Variants in SLIT3 observed in about 807,000 individuals in gnomAD.
SLIT3 encodes slit homolog 3 protein.
A neutral mutation model predicts 184.0 loss-of-function variants in SLIT3; 68 were observed. The ratio of observed to expected loss-of-function variants is 0.37; its 90% CI spans 0.30 to 0.45. The LOEUF is 0.45. Among genes scored for constraint, SLIT3 ranks in the 20% least tolerant of loss-of-function variants. SLIT3 has a pLI of 1.00. For synonymous variants in SLIT3, 831 were observed against 828.6 expected, an observed-to-expected ratio of 1.00 and a Z score of -0.05; for missense variants, 1,707 against 2,026.0, an observed-to-expected ratio of 0.84 and a Z score of 3.02.
chr5:169,105,699 C>T (rs1263363902), intron 4 of SLIT3, among the ~76,000 whole-genome samples: 1 of 152,222 alleles, frequency 6.6e-6, no homozygotes, highest in Non-Finnish European at 1.5e-5. Context: ...TAAGTGAGAA[C>T]ATGCAGTGTT....
intron 32 of SLIT3, among the ~76,000 whole-genome samples, chr5:168,678,299 C>T (rs553089485): frequency 6.6e-6 from 1 of 152,248 alleles, no homozygotes. Flanking sequence ...ACCAGCATCC[C>T]TAAGTCAGGA....
intron 4 of SLIT3, among the ~76,000 whole-genome samples, chr5:168,892,186 A>G (rs530507655): frequency 6.6e-6 from 1 of 152,382 alleles, no homozygotes; most frequent in East Asian, 1.9e-4. Context: ...TTAATATGAT[A>G]TTTAACTCAA....
At position 169,026,006 on chromosome 5, in the gene SLIT3, C is replaced by T. The variant is rs140123663; in HGVS notation, c.414-142670G>A. 6.3e-3 allele frequency among the ~76,000 whole-genome samples: 959 copies of T among 152,268 alleles called. 13 individuals are homozygous for T. The highest frequency in any genetic ancestry group is 0.031 in the Middle Eastern group (9 of 294). ...CCAAATCCCCCAATCACCAGCCTGT[C>T]TCCTCTCCCCATGCTCTTGCTGGCA... is the stretch of plus-strand genomic sequence containing the variant. On this transcript the variant is annotated intron_variant, in intron 4 of 35. Coordinates refer to ENST00000519560, the MANE Select transcript of SLIT3 (RefSeq NM_003062.4).
intron 4 of SLIT3, among the ~76,000 whole-genome samples, chr5:169,157,664 C>T (rs1762355318): frequency 2.0e-5 from 3 of 152,278 alleles, no homozygotes; most frequent in South Asian, 4.1e-4. Context: ...TAGAAAACCA[C>T]TCATCATGCA....
chr5:168,694,899 G>A (rs768410978), intron 28 of SLIT3, among the ~76,000 whole-genome samples: 2 of 152,228 alleles, frequency 1.3e-5, no homozygotes, highest in African/African-American at 4.8e-5. Context: ...GATTACAGGC[G>A]TGAGCCACTG....
chr5:168,895,367 C>T (rs1038648680), intron 4 of SLIT3, among the ~76,000 whole-genome samples: 1 of 152,164 alleles, frequency 6.6e-6, no homozygotes, highest in African/African-American at 2.4e-5. Context: ...GCAGGCAGCA[C>T]TGCAGCTCAA....
intron 24 of SLIT3, among the ~76,000 whole-genome samples, chr5:168,711,363 C>A (rs62377323): frequency 0.049 from 7,437 of 150,920 alleles, 193 homozygotes; most frequent in African/African-American, 0.077. Context: ...TCCTGGATCA[C>A]TGGCCATCTG....
chr5:169,046,854 C>T (rs1050669763), intron 4 of SLIT3, among the ~76,000 whole-genome samples: 2 of 152,196 alleles, frequency 1.3e-5, no homozygotes, highest in African/African-American at 4.8e-5. Flanking sequence ...CACCCCTCTG[C>T]TCCAGAGCCC....
At chr5:168,709,284 T>A (rs1477138044) in intron 25 of SLIT3, among the ~76,000 whole-genome samples, 1 of 152,098 alleles carries the variant, frequency 6.6e-6, no homozygotes, top group Non-Finnish European at 1.5e-5. Context: ...TTAGTAGAGA[T>A]GGGGTTTCCC....
intron 4 of SLIT3, among the ~76,000 whole-genome samples, chr5:168,895,276 C>G (rs1171215214): frequency 1.3e-5 from 2 of 152,156 alleles, no homozygotes; most frequent in Admixed American, 1.3e-4. Context: ...CCACTCTGTT[C>G]CACTGAGGAA....
chr5:169,287,967 C>T (rs73319594), intron 1 of SLIT3, among the ~76,000 whole-genome samples: 2,085 of 152,344 alleles, frequency 0.014, 67 homozygotes, highest in African/African-American at 0.047. Flanking sequence ...CTACCCCATG[C>T]TTAGGCAAAC....
chr5:168,987,869 G>A (rs1037614924), intron 4 of SLIT3, among the ~76,000 whole-genome samples: 10 of 152,216 alleles, frequency 6.6e-5, no homozygotes, highest in African/African-American at 2.4e-4. Flanking sequence ...GTAGGTGGGG[G>A]GACTGAATAT....
At chr5:169,181,687 G>A (rs1169607893) in intron 4 of SLIT3, among the ~76,000 whole-genome samples, 1 of 150,582 alleles carries the variant, frequency 6.6e-6, no homozygotes, top group East Asian at 2.0e-4. Flanking sequence ...GTTGCAGTGA[G>A]CCAAGATCGT....
chr5:168,722,148 G>T (rs935432263), intron 23 of SLIT3, 108 bp downstream of exon 23: 2 of 928,616 alleles, frequency 2.2e-6, no homozygotes, highest in African/African-American at 1.6e-5. Flanking sequence ...AGGTGTGTTT[G>T]GGGGTGGAGT....
chr5:169,264,695 C>T (rs986062220), intron 1 of SLIT3, among the ~76,000 whole-genome samples: 3 of 152,220 alleles, frequency 2.0e-5, no homozygotes, highest in Admixed American at 6.5e-5. Flanking sequence ...TTGGGCCACC[C>T]TTATAGGGCT....
chr5:169,118,933 T>A (rs1031404055), intron 4 of SLIT3, among the ~76,000 whole-genome samples: 3 of 152,220 alleles, frequency 2.0e-5, no homozygotes, highest in African/African-American at 7.2e-5. Context: ...TTTTATAAAC[T>A]ACCATTTATG....
chr5:169,292,975 G>A (rs2113662579), intron 1 of SLIT3, among the ~76,000 whole-genome samples: 1 of 152,262 alleles, frequency 6.6e-6, no homozygotes, highest in African/African-American at 2.4e-5. Context: ...GCTGATAGAA[G>A]TCAAATAAAA....
chr5:168,988,569 G>C (rs1276283916), intron 4 of SLIT3, among the ~76,000 whole-genome samples: 3 of 152,166 alleles, frequency 2.0e-5, no homozygotes, highest in Non-Finnish European at 4.4e-5. Context: ...TCCCTCAAAA[G>C]AGCTTCTGGG....
At chr5:169,149,805 A>C (rs1475053749) in intron 4 of SLIT3, among the ~76,000 whole-genome samples, 1 of 152,194 alleles carries the variant, frequency 6.6e-6, no homozygotes, top group African/African-American at 2.4e-5. Context: ...TCCTTACTTC[A>C]GCAGAATCTA....
Sources: allele counts gnomAD v4.1 joint callset (sites outside exome capture counted in the v4.1 genomes callset), GRCh38; gene constraint gnomAD v4.1.1; transcripts MANE v1.5; gene names NCBI Gene and HGNC (gene_info 2026-07-23, HGNC 2026-07-21).